ZNF280D: variants seen among roughly 807,000 people sequenced by gnomAD.
The protein encoded by ZNF280D is zinc finger protein 280D.
A neutral mutation model predicts 94.7 loss-of-function variants in ZNF280D; 39 were observed. The ratio of observed to expected loss-of-function variants is 0.41; its 90% CI spans 0.32 to 0.54. The LOEUF is 0.54. ZNF280D is among the 20% of genes least tolerant of loss of function. The probability of loss-of-function intolerance (pLI) is 0.22; values close to 1 mark genes in which losing one functional copy is unlikely to be tolerated. For synonymous variants in ZNF280D, 398 were observed against 377.6 expected (o/e 1.05, Z -0.63); for missense variants, 1,090 against 1,149.3 (o/e 0.95, Z 0.75).
At chr15:56,695,663 G>A (rs189954596) in intron 6 of ZNF280D, among the ~76,000 whole-genome samples, 9 of 151,500 alleles carry the variant, frequency 5.9e-5, no homozygotes, top group East Asian at 3.9e-4. Flanking sequence ...CCGAGTAGCC[G>A]GGACTACAGG....
rs567510266 is a variant in ZNF280D at position 56,671,494 on chromosome 15, G to A, written c.1411-2537C>T. Among the ~76,000 whole-genome samples, 286 of 152,068 alleles carry A rather than the reference G, an allele frequency of 1.9e-3. 2 individuals carry two copies. Among genetic ancestry groups the A allele is most frequent in the African/African-American group, 6.7e-3 (276 of 41,484 alleles). On this transcript the variant is annotated intron_variant, in intron 13 of 21. Transcript: ENST00000267807. ...GAAGATCAGATGGTTGTAGGTGTGCGGTTTTATTTCTGGGTTCTCTATACT... is the reference window on the plus strand; with the variant it reads ...GAAGATCAGATGGTTGTAGGTGTGCAGTTTTATTTCTGGGTTCTCTATACT...
intron 12 of ZNF280D, 63 bp downstream of exon 12, chr15:56,677,511 A>C (rs1480986049): frequency 1.5e-6 from 2 of 1,290,992 alleles, no homozygotes; most frequent in Admixed American, 3.5e-5. Context: ...AATAGGCTTA[A>C]ATTTTATAAC....
At chr15:56,702,816 G>A (rs925632274) in intron 4 of ZNF280D, among the ~76,000 whole-genome samples, 1 of 151,724 alleles carries the variant, frequency 6.6e-6, no homozygotes, top group Non-Finnish European at 1.5e-5. Flanking sequence ...GAATAAAGGT[G>A]CCAATCCAAG....
rs751184149 is a variant in ZNF280D at position 56,703,870 on chromosome 15, AAAT to A, written c.175+248_175+250del. ...CCTGTCTCAAAATAAATAAATAAATAAATAATTACTTAACTCCATTAAAAATTA... is the reference window on the plus strand; with the variant it reads ...CCTGTCTCAAAATAAATAAATAAATAAATTACTTAACTCCATTAAAAATTA... On this transcript the variant is annotated intron_variant, in intron 4 of 21. Transcript: ENST00000267807. Among the ~76,000 whole-genome samples the A allele has an allele frequency of 7.4e-3, 18 of 2,426 alleles. No homozygotes were observed. The Non-Finnish European group carries it at 0.29, about 39-fold the overall frequency. The allele number at this position is 2,426 out of a possible 152,430, so 1.6% of individuals were successfully genotyped here. A position where few individuals can be genotyped will look rare whatever the true frequency, so the allele number is the denominator to read the frequency against.
At chr15:56,696,143 G>C (rs1407316754) in intron 6 of ZNF280D, among the ~76,000 whole-genome samples, 1 of 152,062 alleles carries the variant, frequency 6.6e-6, no homozygotes, top group African/African-American at 2.4e-5. Context: ...GTAGGTATTT[G>C]GGCCTCAACA....
At chr15:56,668,444 C>T (rs1279161240) in intron 14 of ZNF280D, among the ~76,000 whole-genome samples, 1 of 152,006 alleles carries the variant, frequency 6.6e-6, no homozygotes, top group Non-Finnish European at 1.5e-5. Context: ...AGGCACTGTA[C>T]CAGATGCTGG....
intron 5 of ZNF280D, 33 bp downstream of exon 5, chr15:56,701,140 C>T (rs1489596155): frequency 2.5e-6 from 4 of 1,603,566 alleles, no homozygotes; most frequent in East Asian, 4.5e-5. Flanking sequence ...AAATACTTCA[C>T]TTTAAAATTA....
At chr15:56,691,030 A>G (rs1259256532) in intron 7 of ZNF280D, among the ~76,000 whole-genome samples, 1 of 152,230 alleles carries the variant, frequency 6.6e-6, no homozygotes, top group Non-Finnish European at 1.5e-5. Context: ...ACAAGTTTAC[A>G]GAGCTGCTTT....
At chr15:56,690,467 T>C (rs1466086635) in intron 7 of ZNF280D, among the ~76,000 whole-genome samples, 2 of 152,184 alleles carry the variant, frequency 1.3e-5, no homozygotes, top group African/African-American at 4.8e-5. Context: ...AGTATAATGA[T>C]TTTCACACTA....
chr15:56,685,221 T>C (rs1215108117), intron 9 of ZNF280D, among the ~76,000 whole-genome samples: 1 of 152,076 alleles, frequency 6.6e-6, no homozygotes, highest in Non-Finnish European at 1.5e-5. Context: ...TAAATGAAAT[T>C]ACTACAGAAT....
At chr15:56,715,509 T>C (rs2057992507) in intron 1 of ZNF280D, among the ~76,000 whole-genome samples, 1 of 152,054 alleles carries the variant, frequency 6.6e-6, no homozygotes, top group African/African-American at 2.4e-5. Context: ...TTTATAGCAA[T>C]GATTTGAATA....
intron 16 of ZNF280D, among the ~76,000 whole-genome samples, chr15:56,663,903 A>C (rs930222691): frequency 6.6e-6 from 1 of 152,158 alleles, no homozygotes; most frequent in Non-Finnish European, 1.5e-5. Context: ...ATCTCACAAA[A>C]AAAGAAAAAG....
intron 9 of ZNF280D, among the ~76,000 whole-genome samples, chr15:56,683,489 T>A (rs963480299): frequency 6.6e-5 from 10 of 152,176 alleles, no homozygotes; most frequent in Admixed American, 2.0e-4. Context: ...TGCAACTCCT[T>A]ATTTATCCCT....
chr15:56,690,697 G>A (rs1596515752), intron 7 of ZNF280D, among the ~76,000 whole-genome samples: 1 of 152,096 alleles, frequency 6.6e-6, no homozygotes. Context: ...GCTATAAAAA[G>A]GCTCGGAAAA....
intron 1 of ZNF280D, among the ~76,000 whole-genome samples, chr15:56,718,513 A>G (rs1280919224): frequency 1.3e-5 from 2 of 152,232 alleles, no homozygotes; most frequent in Non-Finnish European, 2.9e-5. Context: ...TTTTAATATA[A>G]TATTAATACA....
chr15:56,636,414 C>T (rs965849208), intron 20 of ZNF280D, among the ~76,000 whole-genome samples: 4 of 151,968 alleles, frequency 2.6e-5, no homozygotes, highest in African/African-American at 7.2e-5. Context: ...TGCTCCTTCC[C>T]CGCAACTTAC....
At chr15:56,696,919 G>C (rs2056780637) in intron 6 of ZNF280D, among the ~76,000 whole-genome samples, 1 of 152,170 alleles carries the variant, frequency 6.6e-6, no homozygotes, top group African/African-American at 2.4e-5. Flanking sequence ...AACATTCTGA[G>C]TCAGAAAGGA....
rs2054287212 is a variant in ZNF280D, at chr15:56,666,427, G to A, written c.1962C>T (p.Ser654=). The change falls in exon 16 of 22, where the codon AGC becomes AGT. Residue 654 remains serine (S), a synonymous_variant. Transcript: ENST00000267807. ...VHCSFCRYNT[S]CSKAYVNHMM... Reference sequence around the variant, plus strand: ...TATGATTTACATAGGCTTTGCTACAGCTAGTGTTGTATCTGCAAAAACTAC... The same window carrying A: ...TATGATTTACATAGGCTTTGCTACAACTAGTGTTGTATCTGCAAAAACTAC... 1 of 1,606,842 alleles carries A rather than the reference G, an allele frequency of 6.2e-7. No homozygotes were observed. The highest frequency in any genetic ancestry group is 1.3e-5 in the African/African-American group (1 of 74,348).
At chr15:56,703,219 C>G (rs1207179099) in intron 4 of ZNF280D, among the ~76,000 whole-genome samples, 2 of 152,114 alleles carry the variant, frequency 1.3e-5, no homozygotes, top group Non-Finnish European at 2.9e-5. Context: ...TGCCCAAAAG[C>G]CTTAAGGATT....
Sources: allele counts gnomAD v4.1 joint callset (sites outside exome capture counted in the v4.1 genomes callset), GRCh38; gene constraint gnomAD v4.1.1; transcripts MANE v1.5; gene names NCBI Gene and HGNC (gene_info 2026-07-23, HGNC 2026-07-21).